ZMIZ1: variants seen among roughly 807,000 people sequenced by gnomAD.
The protein encoded by ZMIZ1 is zinc finger MIZ-type containing 1.
A neutral mutation model predicts 113.9 loss-of-function variants in ZMIZ1; 17 were observed. That is an observed-to-expected ratio of 0.15 (90% CI 0.10 to 0.22). The LOEUF is 0.22. ZMIZ1 is among the 10% of genes least tolerant of loss of function. ZMIZ1 has a pLI of 1.00. For synonymous variants in ZMIZ1, 607 were observed against 603.1 expected (o/e 1.01, Z -0.09); for missense variants, 1,059 against 1,477.8 (o/e 0.72, Z 4.65).
At chr10:79,133,739 C>T (rs1219280543) in intron 2 of ZMIZ1, among the ~76,000 whole-genome samples, 2 of 152,180 alleles carry the variant, frequency 1.3e-5, no homozygotes, top group Non-Finnish European at 2.9e-5. Flanking sequence ...GCAGCCAAGA[C>T]CCCTCCTCCA....
In ZMIZ1 at chr10:79,118,294, G is replaced by A. The variant is rs181065546; in HGVS notation, c.-336-621G>A. ...CTGTTTGTTCACTGCACACTTTCAC[G>A]GCACCATTCATCCATCAAGGAATCT... On this transcript the variant is annotated intron_variant, in intron 1 of 24. Coordinates refer to ENST00000334512, the MANE Select transcript of ZMIZ1 (RefSeq NM_020338.4). The surrounding 1 kb of genome is among the most constrained non-coding windows in gnomAD (Gnocchi z 4.1). Among the ~76,000 whole-genome samples, 9 of 152,200 alleles carry A rather than the reference G, an allele frequency of 5.9e-5. No individual in the cohort carries two copies. In the East Asian group the frequency reaches 7.7e-4, roughly 13 times the overall value.
chr10:79,260,713 G>T (rs140077901), intron 7 of ZMIZ1, among the ~76,000 whole-genome samples: 3 of 152,234 alleles, frequency 2.0e-5, no homozygotes, highest in Non-Finnish European at 4.4e-5. Context: ...ATCATCGGAT[G>T]TGATGGGGAA....
At chr10:79,105,897 T>C (rs1485525317) in intron 1 of ZMIZ1, among the ~76,000 whole-genome samples, 2 of 152,342 alleles carry the variant, frequency 1.3e-5, no homozygotes, top group East Asian at 3.9e-4. Context: ...CTGTCCAGGT[T>C]GCCCTTCCCC....
chr10:79,239,861 C>T (rs1044647808), intron 7 of ZMIZ1, among the ~76,000 whole-genome samples: 22 of 152,270 alleles, frequency 1.4e-4, no homozygotes, highest in East Asian at 1.2e-3. Context: ...CCCCTGTCTG[C>T]GCCCCCAGCT....
chr10:79,167,253 A>T (rs1310843844), intron 4 of ZMIZ1, among the ~76,000 whole-genome samples: 7 of 152,244 alleles, frequency 4.6e-5, no homozygotes, highest in African/African-American at 1.4e-4. Flanking sequence ...CATTGATTAC[A>T]TATTGGGATG....
intron 7 of ZMIZ1, among the ~76,000 whole-genome samples, chr10:79,224,658 G>T (rs147761487): frequency 6.6e-6 from 1 of 152,184 alleles, no homozygotes; most frequent in Non-Finnish European, 1.5e-5. Flanking sequence ...GCCGCCCCAC[G>T]GCCACCTGAT....
At chr10:79,093,135 AACAC>A (rs5786379) in intron 1 of ZMIZ1, among the ~76,000 whole-genome samples, 26,663 of 107,690 alleles carry the variant, frequency 0.25, 3,051 homozygotes, top group East Asian at 0.41. Context: ...CCCCACCCCC[AACAC>A]ACACACACAC....
intron 7 of ZMIZ1, among the ~76,000 whole-genome samples, chr10:79,270,637 G>T (rs1013558260): frequency 2.6e-5 from 4 of 152,148 alleles, no homozygotes; most frequent in African/African-American, 9.7e-5. Context: ...TGTCCCCGTG[G>T]CTTCCTGGAG....
At chr10:79,129,638 C>T (rs1023476506) in intron 2 of ZMIZ1, among the ~76,000 whole-genome samples, 1 of 152,212 alleles carries the variant, frequency 6.6e-6, no homozygotes, top group Admixed American at 6.5e-5. Flanking sequence ...CTGCAGTTGT[C>T]TGGTGGACTC....
rs1259448720 is a variant in ZMIZ1 at position 79,310,970 on chromosome 10, A to G, written c.2882A>G (p.Gln961Arg). Residue 961 changes from glutamine to arginine, a missense_variant, in exon 24 of 25, where the codon CAA (glutamine) becomes CGA (arginine). Transcript: ENST00000334512. ...GACCAGCCCCACCCCTCCATACAAC[A>G]AGGTTTGCACGTACCACACCCCAGC... The part of the protein sequence containing the change: ...SSDQPHPSIQ[Q>R]GLHVPHPSSQ... 4 of 1,613,372 alleles carry G rather than the reference A, an allele frequency of 2.5e-6. No homozygotes were observed. Among genetic ancestry groups the G allele is most frequent in the Non-Finnish European group, 3.4e-6 (4 of 1,179,904 alleles).
At chr10:79,269,405 T>C (rs1320802855) in intron 7 of ZMIZ1, among the ~76,000 whole-genome samples, 1 of 149,508 alleles carries the variant, frequency 6.7e-6, no homozygotes, top group Non-Finnish European at 1.5e-5. Context: ...TGCTGCCCCA[T>C]CCCTGGGGGT....
intron 7 of ZMIZ1, among the ~76,000 whole-genome samples, chr10:79,253,269 G>A (rs933281383): frequency 6.6e-6 from 1 of 152,206 alleles, no homozygotes; most frequent in Non-Finnish European, 1.5e-5. Flanking sequence ...CCACTAGGAC[G>A]TGTGGGGGTC....
intron 1 of ZMIZ1, among the ~76,000 whole-genome samples, chr10:79,095,396 G>A (rs1044919266): frequency 2.6e-5 from 4 of 152,240 alleles, no homozygotes; most frequent in Non-Finnish European, 5.9e-5. Flanking sequence ...GATACCGATA[G>A]TTAGAAGACC....
At chr10:79,082,620 A>G (rs779474477) in intron 1 of ZMIZ1, among the ~76,000 whole-genome samples, 3 of 152,226 alleles carry the variant, frequency 2.0e-5, no homozygotes, top group Non-Finnish European at 4.4e-5. Context: ...GCAGGATCCC[A>G]TGTCCTCCCA....
intron 7 of ZMIZ1, among the ~76,000 whole-genome samples, chr10:79,220,652 G>T (rs1267374111): frequency 6.6e-6 from 1 of 152,204 alleles, no homozygotes. Context: ...GGTGTCTGTA[G>T]GTCTGTCTCT....
rs1855284308 is a variant in ZMIZ1 at position 79,312,806 on chromosome 10, C to T, written c.*57C>T. 2 of 1,541,262 alleles carry T rather than the reference C, an allele frequency of 1.3e-6. No individual in the cohort carries two copies. Among genetic ancestry groups the T allele is most frequent in the Non-Finnish European group, 1.8e-6 (2 of 1,115,786 alleles). The stretch of plus-strand genomic sequence containing the variant: ...TCTGCATCCTACCCCACCTACCCAA[C>T]ACACTTTTCCACCTGGGAGCCTGTG... On this transcript the variant is annotated 3_prime_UTR_variant, in exon 25 of 25. Coordinates refer to ENST00000334512, the MANE Select transcript of ZMIZ1 (RefSeq NM_020338.4).
In ZMIZ1 at chr10:79,300,522, C is replaced by T. The variant is rs111466197; in HGVS notation, c.1809-210C>T. ...GGGTGTGATGGGAATGATTGGTGTG[C>T]GGGGGTCTTGGGGGCAGTTTGGGTG... On this transcript the variant is annotated intron_variant, in intron 16 of 24. Coordinates refer to ENST00000334512, the MANE Select transcript of ZMIZ1 (RefSeq NM_020338.4). Among the ~76,000 whole-genome samples, 1,267 of 150,270 alleles carry T rather than the reference C, an allele frequency of 8.4e-3. 23 individuals carry two copies. Among genetic ancestry groups the T allele is most frequent in the African/African-American group, 0.029 (1,163 of 40,726 alleles).
Position 79,208,438 on chromosome 10 carries a change from G to A in ZMIZ1, c.163G>A (p.Gly55Ser), listed in dbSNP as rs1453340709. The A allele has an allele frequency of 6.2e-7, 1 of 1,613,540 alleles. No homozygotes were observed. The highest frequency in any genetic ancestry group is 8.5e-7 in the Non-Finnish European group (1 of 1,179,992). Residue 55 changes from glycine to serine, a missense_variant, in exon 6 of 25, where the codon GGC becomes AGC. Coordinates refer to ENST00000334512, the MANE Select transcript of ZMIZ1 (RefSeq NM_020338.4). ...FQRPFEQSLM[G>S]CLTVVSRVAA... ...GCGGCCCTTCGAGCAGAGCCTGATGGGCTGTTTGACGGTGAGTCTGCACCC... is the reference window on the plus strand; with the variant it reads ...GCGGCCCTTCGAGCAGAGCCTGATGAGCTGTTTGACGGTGAGTCTGCACCC...
intron 7 of ZMIZ1, among the ~76,000 whole-genome samples, chr10:79,260,404 G>T (rs900003067): frequency 6.6e-6 from 1 of 152,144 alleles, no homozygotes; most frequent in Non-Finnish European, 1.5e-5. Context: ...ATTCATAAAC[G>T]GTCAGGTCAG....
Sources: gnomAD v4.1 joint callset for allele counts (sites outside exome capture counted in the v4.1 genomes callset) on GRCh38, gnomAD v4.1.1 for gene constraint, Gnocchi (gnomAD v3.1) non-coding constraint, MANE v1.5 for transcripts, NCBI Gene and HGNC (gene_info 2026-07-23, HGNC 2026-07-21) for gene names.